Variants in DTNBP1 observed in about 807,000 individuals in gnomAD.
The protein encoded by DTNBP1 is dystrobrevin binding protein 1, also known as dysbindin.
Under a neutral mutation model 42.8 loss-of-function variants are expected in DTNBP1, and 35 were observed. The observed-to-expected ratio is 0.82, with a 90% CI of 0.63 to 1.09. DTNBP1 has a LOEUF of 1.09. Among genes scored for constraint, DTNBP1 ranks in the 50% least tolerant of loss-of-function variants. The pLI, the probability that DTNBP1 is intolerant of heterozygous loss-of-function variation, is 0.00. For missense variants in DTNBP1, 457 were observed against 424.2 expected (o/e 1.08, Z -0.68); for synonymous variants, 171 against 162.2 (o/e 1.05, Z -0.41).
intron 1 of DTNBP1, among the ~76,000 whole-genome samples, chr6:15,656,379 G>A (rs539211632): frequency 6.6e-5 from 10 of 152,168 alleles, no homozygotes; most frequent in South Asian, 6.2e-4. Context: ...CCTCAAATTC[G>A]TCATAAAGTT....
rs59261831 is a variant in DTNBP1, at chr6:15,585,064, A to AATAT, written c.511+7991_511+7994dup. ...TGAAGTTATATGAAATTATGAAAAG[A>AATAT]ATATATATATATATATATATATATA... is the stretch of plus-strand genomic sequence containing the variant. On this transcript the variant is annotated intron_variant, in intron 7 of 9. Transcript: ENST00000344537. Among the ~76,000 whole-genome samples, 303 of 119,422 alleles carry AATAT rather than the reference A, an allele frequency of 2.5e-3. 6 individuals are homozygous for AATAT. Among genetic ancestry groups the AATAT allele is most frequent in the Non-Finnish European group, 3.5e-3 (204 of 58,236 alleles). 78.3% of individuals were successfully genotyped at this position (119,422 alleles called of 152,430 possible).
chr6:15,569,353 A>ACCTC (rs1775238067), intron 7 of DTNBP1, among the ~76,000 whole-genome samples: 1 of 127,172 alleles, frequency 7.9e-6, no homozygotes, highest in Non-Finnish European at 1.6e-5. Flanking sequence ...GCCAGTTAAG[A>ACCTC]CCCCCCCCCG....
At position 15,524,067 on chromosome 6, in the gene DTNBP1, A is replaced by G. The variant is rs975507340; in HGVS notation, c.811+459T>C. On this transcript the variant is annotated intron_variant, in intron 9 of 9. Transcript: ENST00000344537. ...AAGGGATGAAAGGAACTGAAGTGCA[A>G]CTAAGTTTACAACACAGGCCAAGAG... The G allele has an allele frequency of 1.1e-5, 14 of 1,306,080 alleles. No homozygotes were observed. In the African/African-American group the frequency reaches 1.8e-4, roughly 17 times the overall value. 80.9% of individuals were successfully genotyped at this position (1,306,080 alleles called of 1,614,324 possible).
intron 7 of DTNBP1, among the ~76,000 whole-genome samples, chr6:15,546,475 G>T (rs767055198): frequency 6.6e-5 from 10 of 152,052 alleles, no homozygotes; most frequent in Non-Finnish European, 1.0e-4. Context: ...ATGAATATCA[G>T]ATTAGCATTA....
At chr6:15,624,808 G>A (rs1408788103) in intron 5 of DTNBP1, among the ~76,000 whole-genome samples, 2 of 150,882 alleles carry the variant, frequency 1.3e-5, no homozygotes, top group African/African-American at 4.9e-5. Context: ...GAGATTTTGA[G>A]GCTTCCAAAA....
intron 7 of DTNBP1, among the ~76,000 whole-genome samples, chr6:15,564,652 T>C (rs2619531): frequency 0.83 from 126,078 of 152,168 alleles, 52,588 homozygotes; most frequent in East Asian, 1. Context: ...AGGTGATCTT[T>C]CCGCCTCAGA....
At chr6:15,564,879 C>T (rs982893423) in intron 7 of DTNBP1, among the ~76,000 whole-genome samples, 1 of 152,134 alleles carries the variant, frequency 6.6e-6, no homozygotes, top group Non-Finnish European at 1.5e-5. Context: ...CTTTGGTAGG[C>T]CATGATGGGC....
intron 7 of DTNBP1, among the ~76,000 whole-genome samples, chr6:15,534,414 G>A (rs1232832267): frequency 6.6e-6 from 1 of 152,202 alleles, no homozygotes; most frequent in Non-Finnish European, 1.5e-5. Context: ...CCCTTTGGGA[G>A]GCCGAGGCAG....
chr6:15,534,378 G>A (rs1251848431), intron 7 of DTNBP1, among the ~76,000 whole-genome samples: 11 of 152,184 alleles, frequency 7.2e-5, no homozygotes, highest in African/African-American at 1.7e-4. Flanking sequence ...AGGGCCGGGC[G>A]CGGTGGCTCA....
chr6:15,613,026 G>A (rs1341871513), intron 6 of DTNBP1, among the ~76,000 whole-genome samples: 2 of 152,006 alleles, frequency 1.3e-5, no homozygotes, highest in Non-Finnish European at 2.9e-5. Context: ...CCCTTCTCTA[G>A]GCCAGGCGTG....
chr6:15,549,832 T>C (rs927559556), intron 7 of DTNBP1, among the ~76,000 whole-genome samples: 21 of 152,322 alleles, frequency 1.4e-4, no homozygotes, highest in Admixed American at 1.2e-3. Context: ...CCAGGGACAT[T>C]TGCATTTTCA....
In DTNBP1 at chr6:15,523,205, T is replaced by A; in HGVS notation, c.826A>T (p.Thr276Ser). The A allele has an allele frequency of 6.2e-7, 1 of 1,614,180 alleles. No homozygotes were observed. Among genetic ancestry groups the A allele is most frequent in the Non-Finnish European group, 8.5e-7 (1 of 1,180,008 alleles). Residue 276 changes from threonine to serine, a missense_variant, in exon 10 of 10, where the codon ACC becomes TCC. Thr to Ser is a moderately conservative substitution (Grantham distance 58). Coordinates refer to ENST00000344537, the MANE Select transcript of DTNBP1 (RefSeq NM_032122.5). ...TGGAGGGTAATCTCATTCTGACAGG[T>A]ACTGGATTCAGGCCCTGCAAAATAA... Reference protein sequence around the residue: ...LSPALGPESSTCQNEITLQVP... With the variant: ...LSPALGPESSSCQNEITLQVP...
chr6:15,566,975 G>T (rs905551263), intron 7 of DTNBP1, among the ~76,000 whole-genome samples: 3 of 152,142 alleles, frequency 2.0e-5, no homozygotes, highest in African/African-American at 7.2e-5. Context: ...ACAGGCGTGA[G>T]CCATTATGCC....
intron 4 of DTNBP1, among the ~76,000 whole-genome samples, chr6:15,632,013 A>C (rs1374920431): frequency 2.6e-5 from 4 of 152,158 alleles, no homozygotes; most frequent in Non-Finnish European, 5.9e-5. Flanking sequence ...TTGGGGTTTC[A>C]ATTTGCATTT....
At chr6:15,528,236 T>A (rs1772552856) in intron 8 of DTNBP1, among the ~76,000 whole-genome samples, 1 of 152,204 alleles carries the variant, frequency 6.6e-6, no homozygotes, top group African/African-American at 2.4e-5. Flanking sequence ...TCCAGCAGAC[T>A]CAAGCTTCAC....
At chr6:15,639,728 C>T (rs953179501) in intron 3 of DTNBP1, among the ~76,000 whole-genome samples, 2 of 152,338 alleles carry the variant, frequency 1.3e-5, no homozygotes, top group African/African-American at 2.4e-5. Context: ...ACTTTTGCAT[C>T]TTTGTTATCC....
At chr6:15,585,094 TATATATATATATATATA>T (rs1776017103) in intron 7 of DTNBP1, among the ~76,000 whole-genome samples, 1 of 67,432 alleles carries the variant, frequency 1.5e-5, no homozygotes, top group African/African-American at 4.3e-5. Context: ...TATATATATA[TATATATATATATATATA>T]TTCAACCTGT....
chr6:15,571,138 G>A (rs1232019570), intron 7 of DTNBP1, among the ~76,000 whole-genome samples: 4 of 152,160 alleles, frequency 2.6e-5, no homozygotes, highest in Admixed American at 6.5e-5. Context: ...AGGTGGAAAG[G>A]GCACAGGCAG....
chr6:15,550,707 T>C (rs1178423754), intron 7 of DTNBP1, among the ~76,000 whole-genome samples: 2 of 152,238 alleles, frequency 1.3e-5, no homozygotes, highest in African/African-American at 4.8e-5. Flanking sequence ...ATCAGTATTA[T>C]GAATAGCTGT....
Sources: allele counts gnomAD v4.1 joint callset (sites outside exome capture counted in the v4.1 genomes callset), GRCh38; gene constraint gnomAD v4.1.1; transcripts MANE v1.5; gene names NCBI Gene and HGNC (gene_info 2026-07-23, HGNC 2026-07-21).